Variants in TTC17 observed in about 807,000 individuals in gnomAD.
TTC17 encodes the protein tetratricopeptide repeat domain 17.
Under a neutral mutation model 143.8 loss-of-function variants are expected in TTC17, and 58 were observed. The ratio of observed to expected loss-of-function variants is 0.40; its 90% CI spans 0.33 to 0.50. The LOEUF (loss-of-function observed/expected upper bound fraction) is 0.50, where lower values mean the gene tolerates loss of function less well. Among genes scored for constraint, TTC17 ranks in the 20% least tolerant of loss-of-function variants. The pLI, the probability that TTC17 is intolerant of heterozygous loss-of-function variation, is 0.49. For synonymous variants in TTC17, 501 were observed against 497.8 expected (o/e 1.01, Z -0.09); for missense variants, 1,273 against 1,392.5 (o/e 0.91, Z 1.37).
intron 16 of TTC17, among the ~76,000 whole-genome samples, chr11:43,437,782 G>A (rs1479552117): frequency 1.3e-5 from 2 of 152,162 alleles, no homozygotes; most frequent in Non-Finnish European, 2.9e-5. Context: ...CATCTGTTCA[G>A]TTCAAGGGAG....
At position 43,493,764 on chromosome 11, in the gene TTC17, C is replaced by A. The variant is rs1019091506; in HGVS notation, c.3295-9C>A. On this transcript the variant is annotated splice_polypyrimidine_tract_variant and intron_variant, in intron 23 of 23. Coordinates refer to ENST00000039989, the MANE Select transcript of TTC17 (RefSeq NM_018259.6). ...CATCCCCTCACATTTCTCTCCTTGGCCCTCACAGGAAGAATTTGAAAAAGC... is the reference window on the plus strand; with the variant it reads ...CATCCCCTCACATTTCTCTCCTTGGACCTCACAGGAAGAATTTGAAAAAGC... 4 of 1,613,866 alleles carry A rather than the reference C, an allele frequency of 2.5e-6. No individual in the cohort carries two copies. In the African/African-American group the frequency reaches 5.3e-5, roughly 22 times the overall value.
chr11:43,457,272 A>G (rs719777), intron 21 of TTC17, among the ~76,000 whole-genome samples: 5,058 of 152,194 alleles, frequency 0.033, 103 homozygotes, highest in Middle Eastern at 0.078. Context: ...GCCAAACTGT[A>G]TGCCCCAACT....
Position 43,359,052 on chromosome 11 carries a change from C to T in TTC17, c.98C>T (p.Ala33Val), listed in dbSNP as rs1422613769. ...CTTTCCGCCTTGCTGAGTGTGGCGGCACGAGGGGCCTTCGCCACCACGCAC... is the reference window on the plus strand; with the variant it reads ...CTTTCCGCCTTGCTGAGTGTGGCGGTACGAGGGGCCTTCGCCACCACGCAC... ...LSLSALLSVA[A>V]RGAFATTHWV... Residue 33 changes from alanine (A) to valine (V), a missense_variant, in exon 1 of 24, where the codon GCA (alanine) becomes GTA (valine). Coordinates refer to ENST00000039989, the MANE Select transcript of TTC17 (RefSeq NM_018259.6). 6.3e-7 allele frequency: 1 copy of T among 1,591,354 alleles called. No homozygotes were observed. Among genetic ancestry groups the T allele is most frequent in the African/African-American group, 1.4e-5 (1 of 73,188 alleles).
intron 21 of TTC17, among the ~76,000 whole-genome samples, chr11:43,478,480 G>A (rs1445033127): frequency 6.6e-6 from 1 of 152,192 alleles, no homozygotes; most frequent in Non-Finnish European, 1.5e-5. Context: ...CCATGAAATT[G>A]TATGAAATCT....
chr11:43,455,473 A>C (rs888483889), intron 21 of TTC17, among the ~76,000 whole-genome samples: 3 of 152,078 alleles, frequency 2.0e-5, no homozygotes, highest in Non-Finnish European at 4.4e-5. Flanking sequence ...TAACCTAATA[A>C]AGGAAAAGGA....
intron 10 of TTC17, among the ~76,000 whole-genome samples, chr11:43,403,275 C>T (rs80061464): frequency 0.056 from 8,546 of 152,206 alleles, 310 homozygotes; most frequent in East Asian, 0.086. Context: ...AATTGTATCA[C>T]CACTATATAG....
intron 1 of TTC17, among the ~76,000 whole-genome samples, chr11:43,377,025 T>G (rs1856784842): frequency 6.6e-6 from 1 of 152,200 alleles, no homozygotes; most frequent in Non-Finnish European, 1.5e-5. Flanking sequence ...TTGGGCGTGG[T>G]GGCTCATGCC....
chr11:43,444,944 T>C (rs746868918), intron 18 of TTC17, among the ~76,000 whole-genome samples: 3 of 152,192 alleles, frequency 2.0e-5, no homozygotes, highest in African/African-American at 4.8e-5. Context: ...AATATACCAG[T>C]TATTCTACTT....
chr11:43,449,808 CT>C (rs1296546925), intron 19 of TTC17: 5 of 372,846 alleles, frequency 1.3e-5, no homozygotes, highest in African/African-American at 1.0e-4. Flanking sequence ...ACTGTCTAAG[CT>C]TTAGGTAACT....
At position 43,399,985 on chromosome 11, in the gene TTC17, C is replaced by G; in HGVS notation, c.1156C>G (p.Gln386Glu). The part of the protein sequence containing the change: ...QEILEKHKLI[Q>E]EEQILRNIIH... ...AATCCTAGAAAAACATAAACTGATT[C>G]AGGAGGAGCAAATCTTAAGAAATAT... The change falls in exon 9 of 24, where the codon CAG (glutamine) becomes GAG (glutamate). Residue 386 changes from glutamine to glutamate, a missense_variant. This residue lies in a region of TTC17 where 325 missense variants were observed against 444.2 expected (regional missense o/e 0.73). Coordinates refer to ENST00000039989, the MANE Select transcript of TTC17 (RefSeq NM_018259.6). 1 of 1,613,844 alleles carries G rather than the reference C, an allele frequency of 6.2e-7. No homozygotes were observed. The highest frequency in any genetic ancestry group is 8.5e-7 in the Non-Finnish European group (1 of 1,179,892).
In TTC17 at chr11:43,383,519, A is replaced by AT. The variant is rs779691168; in HGVS notation, c.249+4213dup. Among the ~76,000 whole-genome samples, 689 of 138,572 alleles carry AT rather than the reference A, an allele frequency of 5.0e-3. 2 individuals carry two copies. Among genetic ancestry groups the AT allele is most frequent in the Middle Eastern group, 7.5e-3 (2 of 268 alleles). The allele number at this position is 138,572 out of a possible 152,430, so 90.9% of individuals were successfully genotyped here. ...AGGCATGTGCCACCACGCCTGGCTA[A>AT]TTTTTTTTTTTTTTTTGTATTTTTA... On this transcript the variant is annotated intron_variant, in intron 2 of 23. Transcript: ENST00000039989.
At chr11:43,361,918 C>T (rs1156896549) in intron 1 of TTC17, among the ~76,000 whole-genome samples, 3 of 151,704 alleles carry the variant, frequency 2.0e-5, no homozygotes, top group Admixed American at 6.6e-5. Context: ...TTGTTTTCCA[C>T]AGTGATCATA....
rs1405666086 is a variant in TTC17 at position 43,447,944 on chromosome 11, G to A, written c.2666-58G>A. On this transcript the variant is annotated intron_variant, in intron 18 of 23. Coordinates refer to ENST00000039989, the MANE Select transcript of TTC17 (RefSeq NM_018259.6). ...GGTGAAGTAATCACCAGGGCATAAG[G>A]CCCTTTGGGTTCTCTTCCTTTGCAA... The A allele has an allele frequency of 1.1e-5, 17 of 1,595,026 alleles. No individual in the cohort carries two copies. In the East Asian group the frequency reaches 3.1e-4, roughly 29 times the overall value.
At chr11:43,402,453 C>T (rs559647302) in intron 10 of TTC17, among the ~76,000 whole-genome samples, 3 of 152,160 alleles carry the variant, frequency 2.0e-5, no homozygotes, top group South Asian at 2.1e-4. Flanking sequence ...CACACACATA[C>T]ACATATACAA....
intron 15 of TTC17, among the ~76,000 whole-genome samples, chr11:43,412,371 C>T (rs1190669834): frequency 2.6e-5 from 4 of 151,932 alleles, no homozygotes; most frequent in Admixed American, 6.6e-5. Flanking sequence ...ACCTGTACTC[C>T]TAGCTACTTG....
chr11:43,446,926 TCAAA>T (rs1268987564), intron 18 of TTC17, among the ~76,000 whole-genome samples: 1 of 152,162 alleles, frequency 6.6e-6, no homozygotes, highest in Non-Finnish European at 1.5e-5. Flanking sequence ...CACGTTAGAG[TCAAA>T]CAGACTCCTA....
At chr11:43,467,542 T>C (rs1948000492) in intron 21 of TTC17, among the ~76,000 whole-genome samples, 1 of 152,232 alleles carries the variant, frequency 6.6e-6, no homozygotes, top group South Asian at 2.1e-4. Flanking sequence ...AGTTGTTTAA[T>C]GGATATTGAG....
chr11:43,452,143 G>C (rs902827838), intron 21 of TTC17, among the ~76,000 whole-genome samples: 7 of 152,148 alleles, frequency 4.6e-5, no homozygotes, highest in Non-Finnish European at 7.3e-5. Flanking sequence ...ACTTTCTACA[G>C]GTAGCCCAAC....
chr11:43,406,702 T>C (rs547646235), intron 13 of TTC17, among the ~76,000 whole-genome samples: 16 of 152,272 alleles, frequency 1.1e-4, no homozygotes, highest in African/African-American at 3.6e-4. Flanking sequence ...AAACAGACCA[T>C]GATCTGTGCC....
Sources: gnomAD v4.1 joint callset for allele counts (sites outside exome capture counted in the v4.1 genomes callset) on GRCh38, gnomAD v4.1.1 for gene constraint, gnomAD v4.1.1 regional missense constraint, MANE v1.5 for transcripts, NCBI Gene and HGNC (gene_info 2026-07-23, HGNC 2026-07-21) for gene names.